Variants in THSD7A observed in about 807,000 individuals in gnomAD.
The protein encoded by THSD7A is thrombospondin type-1 domain-containing protein 7A.
In THSD7A, 96 loss-of-function variants were observed where a neutral mutation model predicts 231.3. The observed-to-expected ratio is 0.41, with a 90% CI of 0.35 to 0.49. The LOEUF (loss-of-function observed/expected upper bound fraction) is 0.49. THSD7A is among the 20% of genes least tolerant of loss of function. The probability of loss-of-function intolerance (pLI) is 0.05; values close to 1 mark genes in which losing one functional copy is unlikely to be tolerated. For synonymous variants in THSD7A, 940 were observed against 743.3 expected, an observed-to-expected ratio of 1.26 and a Z score of -4.30; for missense variants, 2,290 against 2,070.2, an observed-to-expected ratio of 1.11 and a Z score of -2.06.
rs1393449372 is a variant in THSD7A, at chr7:11,444,788, T to TGA, written c.3064+1272_3064+1273insTC. Among the ~76,000 whole-genome samples the TGA allele has an allele frequency of 1.4e-5, 2 of 139,296 alleles. No homozygotes were observed. The allele number at this position is 139,296 out of a possible 152,430, so 91.4% of individuals were successfully genotyped here. A position where few individuals can be genotyped will look rare whatever the true frequency, so the allele number is the denominator to read the frequency against. On this transcript the variant is annotated intron_variant, in intron 13 of 27. Coordinates refer to ENST00000423059, the MANE Select transcript of THSD7A (RefSeq NM_015204.3). The surrounding 1 kb of genome is among the most constrained non-coding windows in gnomAD (Gnocchi z 4.2). ...AGGGGGCACAGTTGTCTGCTCTGTG[T>TGA]GTGTGTGTGTGTGTGTGTGTATAAA...
At chr7:11,628,921 G>T (rs1256785089) in intron 2 of THSD7A, among the ~76,000 whole-genome samples, 1 of 152,144 alleles carries the variant, frequency 6.6e-6, no homozygotes, top group Non-Finnish European at 1.5e-5. Context: ...TAACAAAATT[G>T]TAGGCATCGA....
rs78906104 is a variant in THSD7A at position 11,612,009 on chromosome 7, G to C, written c.1023-18507C>G. Among the ~76,000 whole-genome samples, 1,491 of 152,164 alleles carry C rather than the reference G, an allele frequency of 9.8e-3. 25 individuals carry two copies. Among genetic ancestry groups the C allele is most frequent in the African/African-American group, 0.034 (1,407 of 41,502 alleles). ...AGCTTTCTAATTGCTGCCATATGGAGCTCTCTGAGAAGGCTTGAGCCCTTC... is the reference window on the plus strand; with the variant it reads ...AGCTTTCTAATTGCTGCCATATGGACCTCTCTGAGAAGGCTTGAGCCCTTC... On this transcript the variant is annotated intron_variant, in intron 2 of 27. Coordinates refer to ENST00000423059, the MANE Select transcript of THSD7A (RefSeq NM_015204.3).
intron 6 of THSD7A, among the ~76,000 whole-genome samples, chr7:11,489,709 A>T (rs1005820236): frequency 6.6e-6 from 1 of 152,012 alleles, no homozygotes; most frequent in Non-Finnish European, 1.5e-5. Context: ...GTCCTCTAGC[A>T]CTTTTTCCAC....
At chr7:11,450,069 C>A (rs1293989427) in intron 11 of THSD7A, among the ~76,000 whole-genome samples, 2 of 152,008 alleles carry the variant, frequency 1.3e-5, no homozygotes, top group Non-Finnish European at 2.9e-5. Context: ...CAATATAAAT[C>A]TTTTGAGAAA....
At chr7:11,629,819 G>A (rs1047599451) in intron 2 of THSD7A, among the ~76,000 whole-genome samples, 3 of 152,280 alleles carry the variant, frequency 2.0e-5, no homozygotes, top group South Asian at 2.1e-4. Flanking sequence ...AGGATTTTAT[G>A]TCTGCAATTT....
intron 1 of THSD7A, among the ~76,000 whole-genome samples, chr7:11,770,665 C>G (rs1783192091): frequency 6.6e-6 from 1 of 152,116 alleles, no homozygotes; most frequent in African/African-American, 2.4e-5. Context: ...GATTCACAAC[C>G]AATTCTAGAT....
intron 4 of THSD7A, among the ~76,000 whole-genome samples, chr7:11,586,648 A>G (rs1053511492): frequency 3.9e-5 from 6 of 152,212 alleles, no homozygotes; most frequent in African/African-American, 7.2e-5. Context: ...CTTTTTCTAA[A>G]GTGGGTTTAT....
At chr7:11,644,288 T>C (rs1278844623) in intron 1 of THSD7A, among the ~76,000 whole-genome samples, 14 of 151,988 alleles carry the variant, frequency 9.2e-5, no homozygotes. Flanking sequence ...GGTATCTGAA[T>C]GCCTAGAATA....
intron 4 of THSD7A, among the ~76,000 whole-genome samples, chr7:11,589,349 T>C (rs1453104196): frequency 1.3e-5 from 2 of 152,196 alleles, no homozygotes; most frequent in Admixed American, 6.5e-5. Flanking sequence ...TCTTTAGCAT[T>C]GTGCATTCAT....
intron 1 of THSD7A, among the ~76,000 whole-genome samples, chr7:11,770,148 A>G (rs757405834): frequency 3.3e-5 from 5 of 152,068 alleles, no homozygotes; most frequent in Non-Finnish European, 1.5e-5. Context: ...TACATTTTTT[A>G]ATAAAACTAT....
At chr7:11,649,238 G>T (rs959664824) in intron 1 of THSD7A, among the ~76,000 whole-genome samples, 1 of 152,000 alleles carries the variant, frequency 6.6e-6, no homozygotes, top group Non-Finnish European at 1.5e-5. Flanking sequence ...AGTGACCCAT[G>T]ATCTTCTTGG....
chr7:11,522,685 A>T (rs1788314875), intron 6 of THSD7A, among the ~76,000 whole-genome samples: 1 of 152,184 alleles, frequency 6.6e-6, no homozygotes, highest in Non-Finnish European at 1.5e-5. Context: ...AGATTATATC[A>T]AGGCCGTGGA....
At chr7:11,552,779 A>T (rs1329046869) in intron 4 of THSD7A, among the ~76,000 whole-genome samples, 1 of 152,046 alleles carries the variant, frequency 6.6e-6, no homozygotes, top group Non-Finnish European at 1.5e-5. Context: ...GATGGTACCG[A>T]TCAACAGGAG....
chr7:11,778,856 C>T (rs1017896279), intron 1 of THSD7A, among the ~76,000 whole-genome samples: 1 of 152,064 alleles, frequency 6.6e-6, no homozygotes, highest in African/African-American at 2.4e-5. Flanking sequence ...AAATGTATAA[C>T]ATCCTTATTA....
rs1329479584 is a variant in THSD7A at position 11,590,536 on chromosome 7, G to A, written c.1377C>T (p.Ile459=). The A allele has an allele frequency of 6.2e-7, 1 of 1,613,882 alleles. No homozygotes were observed. Among genetic ancestry groups the A allele is most frequent in the Non-Finnish European group, 8.5e-7 (1 of 1,179,826 alleles). Residue 459 remains isoleucine, a synonymous_variant, in exon 4 of 28, where the codon ATC becomes ATT. Coordinates refer to ENST00000423059, the MANE Select transcript of THSD7A (RefSeq NM_015204.3). This position sits in a 1 kb window ranked among gnomAD's most constrained non-coding sequence, Gnocchi z 4.4. ...GCACGCAGTACACCTCTCGGGTCTGGATGCCCCCTCCACAGAGGGCCGTCT... is the reference window on the plus strand; with the variant it reads ...GCACGCAGTACACCTCTCGGGTCTGAATGCCCCCTCCACAGAGGGCCGTCT... ...GNQTALCGGG[I]QTREVYCVQA...
intron 2 of THSD7A, among the ~76,000 whole-genome samples, chr7:11,629,490 G>C (rs913407703): frequency 6.6e-6 from 1 of 152,168 alleles, no homozygotes; most frequent in African/African-American, 2.4e-5. Context: ...CTGCTATTTA[G>C]AAGTAGTAAT....
chr7:11,594,141 C>T (rs1315582772), intron 2 of THSD7A, among the ~76,000 whole-genome samples: 2 of 152,128 alleles, frequency 1.3e-5, no homozygotes, highest in African/African-American at 4.8e-5. Context: ...ATCTTTCTCC[C>T]GTGCTAGATG....
At chr7:11,643,588 A>G (rs1343894388) in intron 1 of THSD7A, among the ~76,000 whole-genome samples, 1 of 88,472 alleles carries the variant, frequency 1.1e-5, no homozygotes, top group Non-Finnish European at 2.1e-5. Context: ...CAACAGATAC[A>G]CCACACGCAC....
intron 2 of THSD7A, among the ~76,000 whole-genome samples, chr7:11,622,370 T>C (rs931745918): frequency 1.2e-4 from 18 of 152,100 alleles, no homozygotes; most frequent in Admixed American, 4.6e-4. Flanking sequence ...TTATTATTAA[T>C]AAAATTCATG....
Sources: allele counts gnomAD v4.1 joint callset (sites outside exome capture counted in the v4.1 genomes callset), GRCh38; gene constraint gnomAD v4.1.1; non-coding constraint Gnocchi (gnomAD v3.1); transcripts MANE v1.5; gene names NCBI Gene and HGNC (gene_info 2026-07-23, HGNC 2026-07-21).